The following ATP9B variants were observed in gnomAD, a reference collection of about 807,000 sequenced individuals.
ATP9B encodes the protein ATPase phospholipid transporting 9B.
ATP9B carries 110 observed loss-of-function variants against 146.1 expected under a neutral mutation model. The observed-to-expected ratio is 0.75, with a 90% CI of 0.65 to 0.88. ATP9B has a LOEUF of 0.88. Among genes scored for constraint, ATP9B ranks in the 40% least tolerant of loss-of-function variants. The pLI is 0.00. For synonymous variants in ATP9B, 604 were observed against 569.7 expected (o/e 1.06, Z -0.86); for missense variants, 1,499 against 1,496.4 (o/e 1.00, Z -0.03).
chr18:79,201,780 C>T lies in ATP9B; in HGVS notation c.955-5157C>T, dbSNP rs375625608. Among the ~76,000 whole-genome samples, 365 of 152,128 alleles carry T rather than the reference C, an allele frequency of 2.4e-3. 2 individuals carry two copies. The highest frequency in any genetic ancestry group is 6.5e-3 in the South Asian group (31 of 4,800). ...AGACGGGGTTTCACCATATTGGTCT[C>T]GAACTCCTGACCTAGTGATCCACCC... On this transcript the variant is annotated intron_variant, in intron 9 of 29. Coordinates refer to ENST00000426216, the MANE Select transcript of ATP9B (RefSeq NM_198531.5).
intron 7 of ATP9B, among the ~76,000 whole-genome samples, chr18:79,172,268 C>G (rs112607143): frequency 9.7e-5 from 5 of 51,346 alleles, no homozygotes; most frequent in Admixed American, 1.7e-4. Flanking sequence ...GCCACCGTGC[C>G]CCGCCCTTGC....
chr18:79,374,307 C>T lies in ATP9B; in HGVS notation c.3274+206C>T, dbSNP rs58986347. The T allele has an allele frequency of 0.23, 111,313 of 484,370 alleles. 13,619 individuals are homozygous for T. Among genetic ancestry groups the T allele is most frequent in the East Asian group, 0.47 (12,527 of 26,758 alleles). The allele number at this position is 484,370 out of a possible 1,614,324, so 30.0% of individuals were successfully genotyped here. A position where few individuals can be genotyped will look rare whatever the true frequency, so the allele number is the denominator to read the frequency against. ...GGCTGGCCGGTCCCCTGACAGGAGG[C>T]GCTGAGCCCCGTCGGTCACTGGCTG... On this transcript the variant is annotated intron_variant, in intron 28 of 29. Coordinates refer to ENST00000426216, the MANE Select transcript of ATP9B (RefSeq NM_198531.5).
chr18:79,167,660 G>A (rs149319721), intron 7 of ATP9B, among the ~76,000 whole-genome samples: 46 of 152,270 alleles, frequency 3.0e-4, no homozygotes, highest in South Asian at 2.5e-3. Flanking sequence ...GGGAGGAAGC[G>A]CATGCTGATT....
At chr18:79,292,214 T>C (rs563924155) in intron 13 of ATP9B, among the ~76,000 whole-genome samples, 1 of 152,204 alleles carries the variant, frequency 6.6e-6, no homozygotes, top group South Asian at 2.1e-4. Context: ...TTCTAGCCAA[T>C]GCAGTTAGGC....
Position 79,303,599 on chromosome 18 carries a change from C to G in ATP9B, c.1412-5C>G. ...ATGTGTTTGCTGTTGTCCCCTTTAT[C>G]CTAGGAACCCTCACCCAGAATGAAA... On this transcript the variant is annotated splice_region_variant and splice_polypyrimidine_tract_variant and intron_variant, in intron 13 of 29. Transcript: ENST00000426216. 1.2e-6 allele frequency: 2 copies of G among 1,612,988 alleles called. No homozygotes were observed. The highest frequency in any genetic ancestry group is 1.7e-6 in the Non-Finnish European group (2 of 1,179,154).
intron 1 of ATP9B, among the ~76,000 whole-genome samples, chr18:79,074,876 G>A (rs1019121214): frequency 3.9e-5 from 6 of 152,196 alleles, no homozygotes; most frequent in Non-Finnish European, 7.3e-5. Context: ...TTATTTTATC[G>A]TGGTAACATA....
At chr18:79,259,962 T>G (rs1477386988) in intron 12 of ATP9B, among the ~76,000 whole-genome samples, 2 of 152,164 alleles carry the variant, frequency 1.3e-5, no homozygotes, top group Non-Finnish European at 2.9e-5. Flanking sequence ...GTATTGATGA[T>G]TTGGAAAATT....
intron 11 of ATP9B, among the ~76,000 whole-genome samples, chr18:79,246,725 C>T (rs947214026): frequency 1.3e-5 from 2 of 152,210 alleles, no homozygotes; most frequent in Non-Finnish European, 2.9e-5. Flanking sequence ...GCCCCGCGCT[C>T]CCCGCGCTCC....
chr18:79,075,729 CT>C (rs954150193), intron 1 of ATP9B, among the ~76,000 whole-genome samples: 1 of 151,058 alleles, frequency 6.6e-6, no homozygotes, highest in Non-Finnish European at 1.5e-5. Flanking sequence ...ACGGTTGGTT[CT>C]TTTTTTTTAC....
chr18:79,292,275 G>C (rs2096512464), intron 13 of ATP9B, among the ~76,000 whole-genome samples: 1 of 152,194 alleles, frequency 6.6e-6, no homozygotes, highest in Admixed American at 6.5e-5. Context: ...AACTCTCTCT[G>C]TATGTGTGAC....
chr18:79,331,910 A>G (rs1438992238), intron 17 of ATP9B, among the ~76,000 whole-genome samples: 1 of 152,186 alleles, frequency 6.6e-6, no homozygotes, highest in Non-Finnish European at 1.5e-5. Flanking sequence ...TAAAGGAAAC[A>G]AGTACAGGTG....
At chr18:79,376,106 T>C (rs1467405596) in intron 29 of ATP9B, 2 of 983,712 alleles carry the variant, frequency 2.0e-6, no homozygotes, top group East Asian at 2.3e-4. Flanking sequence ...GTATTTGTGT[T>C]GCAGATGGAA....
intron 13 of ATP9B, among the ~76,000 whole-genome samples, chr18:79,283,274 G>A (rs2145892700): frequency 6.6e-6 from 1 of 152,288 alleles, no homozygotes; most frequent in South Asian, 2.1e-4. Flanking sequence ...AAGCGTCCTG[G>A]TTCTCCGTAT....
At chr18:79,154,989 C>T (rs2094752224) in intron 7 of ATP9B, among the ~76,000 whole-genome samples, 2 of 152,110 alleles carry the variant, frequency 1.3e-5, no homozygotes, top group African/African-American at 4.8e-5. Flanking sequence ...CCTAGGTATC[C>T]AATGAGTGTT....
intron 11 of ATP9B, among the ~76,000 whole-genome samples, chr18:79,221,782 T>C (rs908661491): frequency 1.3e-5 from 2 of 150,892 alleles, no homozygotes; most frequent in Non-Finnish European, 2.9e-5. Flanking sequence ...GTTAGGTATT[T>C]AACTAGTTTT....
Position 79,211,097 on chromosome 18 carries a change from T to C in ATP9B, c.1031-2865T>C, listed in dbSNP as rs534625795. ...TGGTTAGAAATAGCAACTAAAAGTA[T>C]TGCAATAGGCCTATCATTTGAAATA... On this transcript the variant is annotated intron_variant, in intron 10 of 29. Coordinates refer to ENST00000426216, the MANE Select transcript of ATP9B (RefSeq NM_198531.5). Among the ~76,000 whole-genome samples, 6 of 152,338 alleles carry C rather than the reference T, an allele frequency of 3.9e-5. No homozygotes were observed. In the East Asian group the frequency reaches 1.2e-3, roughly 29 times the overall value.
chr18:79,346,270 C>T (rs1378018099), intron 23 of ATP9B, among the ~76,000 whole-genome samples: 1 of 145,988 alleles, frequency 6.8e-6, no homozygotes, highest in Non-Finnish European at 1.5e-5. Flanking sequence ...CACATACGTG[C>T]TTAGTGCACA....
chr18:79,122,645 A>G (rs533857738), intron 4 of ATP9B, among the ~76,000 whole-genome samples: 3 of 152,244 alleles, frequency 2.0e-5, no homozygotes, highest in African/African-American at 7.2e-5. Flanking sequence ...TGCTTGTTTA[A>G]ATATGTGCAA....
intron 12 of ATP9B, among the ~76,000 whole-genome samples, chr18:79,271,485 G>A (rs1481221214): frequency 2.0e-5 from 3 of 151,756 alleles, no homozygotes; most frequent in Middle Eastern, 3.4e-3. Context: ...GAGAACATGC[G>A]GTGTTTGGTT....
Sources: allele counts gnomAD v4.1 joint callset (sites outside exome capture counted in the v4.1 genomes callset), GRCh38; gene constraint gnomAD v4.1.1; transcripts MANE v1.5; gene names NCBI Gene and HGNC (gene_info 2026-07-23, HGNC 2026-07-21).